Variants in RANBP2 observed in about 807,000 individuals in gnomAD.
RANBP2 encodes the protein RAN binding protein 2.
Under a neutral mutation model 303.6 loss-of-function variants are expected in RANBP2, and 57 were observed. That is an observed-to-expected ratio of 0.19 (90% CI 0.15 to 0.23). RANBP2 has a LOEUF of 0.23. Ranked by LOEUF, RANBP2 falls within the 10% of genes least tolerant of loss-of-function variation. RANBP2 has a pLI of 1.00. For synonymous variants in RANBP2, 1,167 were observed against 1,301.5 expected (o/e 0.90, Z 2.23); for missense variants, 3,138 against 3,780.8 (o/e 0.83, Z 4.46).
the RANBP2 span, among the ~76,000 whole-genome samples, chr2:109,479,845 C>A: frequency 6.6e-6 from 1 of 152,160 alleles, no homozygotes; most frequent in Non-Finnish European, 1.5e-5. Flanking sequence ...GACCCCGGGA[C>A]TCACTGCCCT....
At chr2:108,821,634 T>G in the RANBP2 span, among the ~76,000 whole-genome samples, 1 of 151,772 alleles carries the variant, frequency 6.6e-6, no homozygotes, top group Admixed American at 6.6e-5. Flanking sequence ...AGAAAAAAAT[T>G]AACAAAATGG....
At chr2:108,910,975 G>A in the RANBP2 span, 5 of 1,614,156 alleles carry the variant, frequency 3.1e-6, no homozygotes, top group African/African-American at 1.3e-5. Flanking sequence ...TCTTCAGGAT[G>A]TAGAACATGA....
chr2:108,895,299 T>C, the RANBP2 span: 1 of 152,620 alleles, frequency 6.6e-6, no homozygotes, highest in African/African-American at 2.4e-5. Context: ...ATGCAACTTG[T>C]AATTTTTACA....
chr2:109,436,755 GTT>G, the RANBP2 span: 1 of 1,362,032 alleles, frequency 7.3e-7, no homozygotes, highest in African/African-American at 1.5e-5. Flanking sequence ...GACGGGCATT[GTT>G]TTAGGACCTC....
chr2:109,238,011 G>A, the RANBP2 span, among the ~76,000 whole-genome samples: 1 of 152,246 alleles, frequency 6.6e-6, no homozygotes, highest in Non-Finnish European at 1.5e-5. Flanking sequence ...TTCAAAATCA[G>A]CCTGGGAAAC....
At chr2:109,187,411 G>A in the RANBP2 span, among the ~76,000 whole-genome samples, 3 of 151,664 alleles carry the variant, frequency 2.0e-5, no homozygotes, top group Non-Finnish European at 4.4e-5. Flanking sequence ...GGTGCTTAAG[G>A]CCGCACACAC....
In RANBP2 at chr2:108,731,383, G is replaced by C. The variant is rs1187645909; in HGVS notation, c.314G>C (p.Cys105Ser). Residue 105 changes from cysteine (C) to serine (S), a missense_variant, in exon 4 of 29, where the codon TGT becomes TCT. Physicochemically the swap from Cys to Ser is moderately radical, Grantham distance 112. This residue lies in a region of RANBP2 where 306 missense variants were observed against 381.9 expected (regional missense o/e 0.80). Transcript: ENST00000283195. ...DLVLKIAELL[C>S]KNDVTDGRAK... ...GTGTTGAAGATTGCAGAATTGCTTT[G>C]TAAAAATGATGTTACTGATGGAAGA... 6.2e-7 allele frequency: 1 copy of C among 1,611,386 alleles called. No homozygotes were observed. Among genetic ancestry groups the C allele is most frequent in the Non-Finnish European group, 8.5e-7 (1 of 1,179,598 alleles).
the RANBP2 span, among the ~76,000 whole-genome samples, chr2:109,731,727 T>TC: frequency 2.6e-5 from 4 of 151,642 alleles, no homozygotes; most frequent in Non-Finnish European, 4.4e-5. Context: ...CCTCAGGTGA[T>TC]CCCCCCAGCC....
chr2:109,546,461 T>G, the RANBP2 span, among the ~76,000 whole-genome samples: 6 of 152,298 alleles, frequency 3.9e-5, no homozygotes, highest in Admixed American at 2.6e-4. Context: ...ATCATAGCTT[T>G]ATGTACAAAA....
At chr2:108,940,852 G>A in the RANBP2 span, among the ~76,000 whole-genome samples, 1 of 152,190 alleles carries the variant, frequency 6.6e-6, no homozygotes, top group Non-Finnish European at 1.5e-5. Flanking sequence ...TTATTGCTCA[G>A]ATGATAGTTT....
Position 108,729,045 on chromosome 2 carries a change from C to A in RANBP2, c.73-87C>A, listed in dbSNP as rs1052154838. On this transcript the variant is annotated intron_variant, in intron 1 of 28. Transcript: ENST00000283195. The stretch of plus-strand genomic sequence containing the variant: ...GAATGAAAGTGGCGTATTTGAACAT[C>A]AACTTAGGACAGATTTTTACTACTT... 19 of 1,433,460 alleles carry A rather than the reference C, an allele frequency of 1.3e-5. No homozygotes were observed. In the African/African-American group the frequency reaches 2.3e-4, roughly 17 times the overall value. 88.8% of individuals were successfully genotyped at this position (1,433,460 alleles called of 1,614,324 possible).
chr2:109,105,388 C>T, the RANBP2 span, among the ~76,000 whole-genome samples: 1 of 152,124 alleles, frequency 6.6e-6, no homozygotes. Flanking sequence ...GGACAACCTA[C>T]CTCAAGGGAA....
the RANBP2 span, chr2:109,618,216 T>G: frequency 6.0e-6 from 1 of 166,822 alleles, no homozygotes; most frequent in Non-Finnish European, 1.5e-5. Flanking sequence ...TTGTTCTAAA[T>G]CTATACATAT....
the RANBP2 span, among the ~76,000 whole-genome samples, chr2:109,083,518 C>T: frequency 1.3e-5 from 2 of 152,162 alleles, no homozygotes; most frequent in African/African-American, 4.8e-5. Flanking sequence ...GGATGTAGCA[C>T]ACTTTCTTTA....
chr2:109,439,318 C>T, the RANBP2 span, among the ~76,000 whole-genome samples: 6 of 152,146 alleles, frequency 3.9e-5, no homozygotes, highest in Non-Finnish European at 7.4e-5. Context: ...CTTGTCCCCA[C>T]GCTATTGCTG....
chr2:108,929,136 G>C, the RANBP2 span: 1 of 1,593,422 alleles, frequency 6.3e-7, no homozygotes, highest in Non-Finnish European at 8.6e-7. Context: ...GTCCTTGCCC[G>C]TAGCCCCTCG....
At chr2:109,592,443 C>T in the RANBP2 span, among the ~76,000 whole-genome samples, 3 of 151,008 alleles carry the variant, frequency 2.0e-5, no homozygotes, top group Admixed American at 6.6e-5. Context: ...CCAGCCTGGG[C>T]GACAGAGCAA....
chr2:109,180,705 C>T, the RANBP2 span, among the ~76,000 whole-genome samples: 1 of 152,208 alleles, frequency 6.6e-6, no homozygotes, highest in Non-Finnish European at 1.5e-5. Flanking sequence ...CTCCTCCTTT[C>T]CTTCCACCAC....
the RANBP2 span, among the ~76,000 whole-genome samples, chr2:109,323,442 T>C: frequency 6.6e-6 from 1 of 152,220 alleles, no homozygotes; most frequent in Non-Finnish European, 1.5e-5. Context: ...TCCCAAAGAA[T>C]ATTCAGTGAG....
Sources: gnomAD v4.1 joint callset for allele counts (sites outside exome capture counted in the v4.1 genomes callset) on GRCh38, gnomAD v4.1.1 for gene constraint, gnomAD v4.1.1 regional missense constraint, MANE v1.5 for transcripts, NCBI Gene and HGNC (gene_info 2026-07-23, HGNC 2026-07-21) for gene names.